LRBA: variants seen among roughly 807,000 people sequenced by gnomAD.
LRBA encodes LPS responsive beige-like anchor protein, also known as lipopolysaccharide-responsive and beige-like anchor protein.
A neutral mutation model predicts 330.0 loss-of-function variants in LRBA; 176 were observed. The ratio of observed to expected loss-of-function variants is 0.53; its 90% confidence interval spans 0.47 to 0.60. The LOEUF is 0.60. LRBA is among the 20% of genes least tolerant of loss of function. The pLI, the probability that LRBA is intolerant of heterozygous loss-of-function variation, is 0.00. For synonymous variants in LRBA, 1,230 were observed against 1,193.0 expected (o/e 1.03, Z -0.64); for missense variants, 3,259 against 3,444.8 (o/e 0.95, Z 1.35).
chr4:150,778,163 T>C (rs535510841), intron 34 of LRBA, among the ~76,000 whole-genome samples: 5 of 152,162 alleles, frequency 3.3e-5, no homozygotes, highest in African/African-American at 9.6e-5. Flanking sequence ...AGTGTAACAA[T>C]AAAGGAAAGA....
chr4:150,751,697 T>A (rs1193747204), intron 35 of LRBA, among the ~76,000 whole-genome samples: 1 of 152,156 alleles, frequency 6.6e-6, no homozygotes, highest in South Asian at 2.1e-4. Context: ...AAACTATGTA[T>A]AATTTACACC....
intron 42 of LRBA, among the ~76,000 whole-genome samples, chr4:150,485,515 G>A (rs79057489): frequency 1.3e-5 from 2 of 151,842 alleles, no homozygotes; most frequent in Non-Finnish European, 1.5e-5. Context: ...CATCAGGGTG[G>A]GCCCAAGTCC....
intron 2 of LRBA, among the ~76,000 whole-genome samples, chr4:151,012,123 G>A (rs1048893879): frequency 2.0e-5 from 3 of 152,132 alleles, no homozygotes; most frequent in Non-Finnish European, 4.4e-5. Flanking sequence ...ATATTGAAGA[G>A]GAGGGTAACT....
intron 48 of LRBA, among the ~76,000 whole-genome samples, chr4:150,340,609 A>G (rs948793154): frequency 6.6e-6 from 1 of 152,166 alleles, no homozygotes; most frequent in Non-Finnish European, 1.5e-5. Context: ...CATTGGAATT[A>G]CAGGTGTGAA....
At chr4:150,769,657 C>CTTA (rs1736286937) in intron 34 of LRBA, among the ~76,000 whole-genome samples, 1 of 152,168 alleles carries the variant, frequency 6.6e-6, no homozygotes, top group Admixed American at 6.5e-5. Flanking sequence ...CTTTTTTACT[C>CTTA]AGTCTACCAA....
intron 47 of LRBA, among the ~76,000 whole-genome samples, chr4:150,399,627 C>A (rs1026831154): frequency 2.0e-5 from 3 of 152,028 alleles, no homozygotes; most frequent in African/African-American, 4.8e-5. Context: ...ACATCTCAGG[C>A]GGACTCTGTT....
chr4:150,737,759 T>C (rs1420476639), intron 35 of LRBA, among the ~76,000 whole-genome samples: 1 of 152,102 alleles, frequency 6.6e-6, no homozygotes, highest in Non-Finnish European at 1.5e-5. Flanking sequence ...TTGACTATTG[T>C]CAGTAAAGAT....
At chr4:150,617,566 C>A (rs184814641) in intron 37 of LRBA, among the ~76,000 whole-genome samples, 28 of 152,162 alleles carry the variant, frequency 1.8e-4, no homozygotes, top group African/African-American at 6.3e-4. Flanking sequence ...CGCTTGAACC[C>A]GAGAGGCGGA....
At chr4:150,430,825 G>T (rs1310659079) in intron 46 of LRBA, among the ~76,000 whole-genome samples, 1 of 152,012 alleles carries the variant, frequency 6.6e-6, no homozygotes, top group Non-Finnish European at 1.5e-5. Flanking sequence ...TAATGAACTG[G>T]GATGACATTT....
intron 47 of LRBA, among the ~76,000 whole-genome samples, chr4:150,379,169 G>A (rs1305167311): frequency 6.6e-6 from 1 of 151,830 alleles, no homozygotes; most frequent in Non-Finnish European, 1.5e-5. Flanking sequence ...TAGGTGTGGT[G>A]GCGGGCACCT....
chr4:150,933,171 T>C (rs2149515250), intron 2 of LRBA, among the ~76,000 whole-genome samples: 1 of 151,864 alleles, frequency 6.6e-6, no homozygotes, highest in Non-Finnish European at 1.5e-5. Flanking sequence ...GTGGATCACT[T>C]GAGGTCAGGA....
intron 56 of LRBA, 49 bp downstream of exon 56, chr4:150,277,804 C>A (rs1746994558): frequency 6.3e-7 from 1 of 1,584,286 alleles, no homozygotes; most frequent in Non-Finnish European, 8.6e-7. Flanking sequence ...GACCAGTCCC[C>A]TCTGCAGTTT....
At chr4:150,969,566 C>T (rs868839089) in intron 2 of LRBA, among the ~76,000 whole-genome samples, 1 of 152,174 alleles carries the variant, frequency 6.6e-6, no homozygotes. Flanking sequence ...CTCCCAGACT[C>T]AGGTAATCCT....
At chr4:150,697,260 G>A (rs1398870643) in intron 36 of LRBA, among the ~76,000 whole-genome samples, 1 of 134,544 alleles carries the variant, frequency 7.4e-6, no homozygotes. Flanking sequence ...GCAGGTGGAG[G>A]TTGCAGTGAG....
intron 30 of LRBA, among the ~76,000 whole-genome samples, chr4:150,818,490 A>T (rs1458415400): frequency 6.6e-6 from 1 of 151,456 alleles, no homozygotes; most frequent in African/African-American, 2.4e-5. Flanking sequence ...CTTATATCAG[A>T]TGAAGATTAT....
chr4:150,769,129 G>A (rs1360766719), intron 34 of LRBA, among the ~76,000 whole-genome samples: 2 of 151,784 alleles, frequency 1.3e-5, no homozygotes, highest in African/African-American at 4.8e-5. Context: ...ATTTTTAGTA[G>A]AGATGGGTTT....
chr4:150,834,684 G>C (rs1398326393), intron 28 of LRBA, among the ~76,000 whole-genome samples: 1 of 152,132 alleles, frequency 6.6e-6, no homozygotes, highest in Non-Finnish European at 1.5e-5. Flanking sequence ...AATGATAATT[G>C]TGCATTGGCT....
intron 37 of LRBA, among the ~76,000 whole-genome samples, chr4:150,643,441 G>C (rs563202676): frequency 1.1e-4 from 17 of 152,056 alleles, no homozygotes; most frequent in African/African-American, 3.6e-4. Context: ...AGGAAAGTAG[G>C]TGGAAGAAGA....
At chr4:150,811,472 GTCT>G (rs1743721095) in intron 31 of LRBA, among the ~76,000 whole-genome samples, 1 of 150,396 alleles carries the variant, frequency 6.6e-6, no homozygotes, top group Non-Finnish European at 1.5e-5. Flanking sequence ...GGCAAAATTA[GTCT>G]TTACTGTGTT....
Sources: allele counts gnomAD v4.1 joint callset (sites outside exome capture counted in the v4.1 genomes callset), GRCh38; gene constraint gnomAD v4.1.1; transcripts MANE v1.5; gene names NCBI Gene and HGNC (gene_info 2026-07-23, HGNC 2026-07-21).